The following EIF4EBP2 variants were observed in gnomAD, a reference collection of about 807,000 sequenced individuals.
EIF4EBP2 encodes the protein eukaryotic translation initiation factor 4E-binding protein 2.
In EIF4EBP2, 5 loss-of-function variants were observed where a neutral mutation model predicts 10.3. The observed-to-expected ratio is 0.48, with a 90% CI of 0.25 to 1.02. The LOEUF (loss-of-function observed/expected upper bound fraction) is 1.02, where lower values mean the gene tolerates loss of function less well. EIF4EBP2 is among the 50% of genes least tolerant of loss of function. The probability of loss-of-function intolerance (pLI) is 0.15; values close to 1 mark genes in which losing one functional copy is unlikely to be tolerated. For synonymous variants in EIF4EBP2, 67 were observed against 61.1 expected, an observed-to-expected ratio of 1.10 and a Z score of -0.45; for missense variants, 188 against 162.2, an observed-to-expected ratio of 1.16 and a Z score of -0.86.
At chr10:70,412,372 CAG>C (rs1845055015) in intron 1 of EIF4EBP2, among the ~76,000 whole-genome samples, 1 of 106,402 alleles carries the variant, frequency 9.4e-6, no homozygotes, top group Admixed American at 1.5e-4. Context: ...CTTAGTTAAA[CAG>C]AATTTTATGA....
In EIF4EBP2 at chr10:70,428,522, T is replaced by A. The variant is rs1845227897; in HGVS notation, c.*6775T>A. 1 of 152,232 alleles carries A rather than the reference T, an allele frequency of 6.6e-6. No individual in the cohort carries two copies. Among genetic ancestry groups the A allele is most frequent in the African/African-American group, 2.4e-5 (1 of 41,462 alleles). The allele number at this position is 152,232 out of a possible 1,614,324, so 9.4% of individuals were successfully genotyped here. On this transcript the variant is annotated 3_prime_UTR_variant, in exon 3 of 3. Coordinates refer to ENST00000373218, the MANE Select transcript of EIF4EBP2 (RefSeq NM_004096.5). ...TCAGTTGTTTTTGTATTTTAACTAT[T>A]CTTCCAAACCAGCAGATGTTTGGAA...
At position 70,426,040 on chromosome 10, in the gene EIF4EBP2, G is replaced by A. The variant is rs1845203122; in HGVS notation, c.*4293G>A. The A allele has an allele frequency of 6.6e-6, 1 of 152,188 alleles. No individual in the cohort carries two copies. The highest frequency in any genetic ancestry group is 1.5e-5 in the Non-Finnish European group (1 of 68,030). The allele number at this position is 152,188 out of a possible 1,614,324, so 9.4% of individuals were successfully genotyped here. On this transcript the variant is annotated 3_prime_UTR_variant, in exon 3 of 3. Coordinates refer to ENST00000373218, the MANE Select transcript of EIF4EBP2 (RefSeq NM_004096.5). ...ATGCTTGATTGCTCCTCTAAATCCA[G>A]TGCATAGGTTAACCCTGCATGCCCA...
intron 1 of EIF4EBP2, among the ~76,000 whole-genome samples, chr10:70,418,045 T>G (rs754936087): frequency 6.6e-6 from 1 of 152,204 alleles, no homozygotes; most frequent in Non-Finnish European, 1.5e-5. Flanking sequence ...AAAATTCTTA[T>G]GTTGAAACCT....
At chr10:70,420,746 T>C (rs1845147935) in intron 2 of EIF4EBP2, among the ~76,000 whole-genome samples, 1 of 152,158 alleles carries the variant, frequency 6.6e-6, no homozygotes, top group Non-Finnish European at 1.5e-5. Flanking sequence ...CAAAACAATT[T>C]CATAGCCCCC....
chr10:70,411,232 A>G (rs534875367), intron 1 of EIF4EBP2, among the ~76,000 whole-genome samples: 3 of 152,186 alleles, frequency 2.0e-5, no homozygotes, highest in Non-Finnish European at 4.4e-5. Flanking sequence ...CCCATTAAGC[A>G]GTACCACCGC....
rs1409283132 is a variant in EIF4EBP2, at chr10:70,410,546, C to T, written c.145+6000C>T. ...CTTTTCAGGAGTCTGTCTCTTCATC[C>T]AGAGTCTCCATGAAGAACAGATGTT... On this transcript the variant is annotated intron_variant, in intron 1 of 2. Coordinates refer to ENST00000373218, the MANE Select transcript of EIF4EBP2 (RefSeq NM_004096.5). Among the ~76,000 whole-genome samples the T allele has an allele frequency of 7.2e-5, 11 of 152,214 alleles. No individual in the cohort carries two copies. The East Asian group carries it at 2.1e-3, about 29-fold the overall frequency.
In EIF4EBP2 at chr10:70,421,701, A is replaced by G; in HGVS notation, c.332-15A>G. 5 of 1,612,174 alleles carry G rather than the reference A, an allele frequency of 3.1e-6. No individual in the cohort carries two copies. The highest frequency in any genetic ancestry group is 4.2e-6 in the Non-Finnish European group (5 of 1,178,372). On this transcript the variant is annotated splice_polypyrimidine_tract_variant and intron_variant, in intron 2 of 2. Coordinates refer to ENST00000373218, the MANE Select transcript of EIF4EBP2 (RefSeq NM_004096.5). ...GTGTACGTGCTAAACTCTTCATTTT[A>G]TTGGTCCTAACTAGGGGATGATGCT... is the stretch of plus-strand genomic sequence containing the variant.
rs1845227578 is a variant in EIF4EBP2, at chr10:70,428,493, A to G, written c.*6746A>G. 6.6e-6 allele frequency: 1 copy of G among 152,170 alleles called. No individual in the cohort carries two copies. Among genetic ancestry groups the G allele is most frequent in the Non-Finnish European group, 1.5e-5 (1 of 68,034 alleles). The allele number at this position is 152,170 out of a possible 1,614,324, so 9.4% of individuals were successfully genotyped here. Reference sequence around the variant, plus strand: ...CCTTGAGGCAGTCCTGTGTGATTCCATGATCAGTTGTTTTTGTATTTTAAC... The same window carrying G: ...CCTTGAGGCAGTCCTGTGTGATTCCGTGATCAGTTGTTTTTGTATTTTAAC... On this transcript the variant is annotated 3_prime_UTR_variant, in exon 3 of 3. Transcript: ENST00000373218.
In EIF4EBP2 at chr10:70,422,005, A is replaced by G; in HGVS notation, c.*258A>G. On this transcript the variant is annotated 3_prime_UTR_variant, in exon 3 of 3. Transcript: ENST00000373218. ...CCCTTGCTGTATTTCTGTAGAGCTA[A>G]GCAGCCCTTAGAGGAAAACAGTTCA... 1 of 463,608 alleles carries G rather than the reference A, an allele frequency of 2.2e-6. No homozygotes were observed. The highest frequency in any genetic ancestry group is 3.9e-6 in the Non-Finnish European group (1 of 258,598). 28.7% of individuals were successfully genotyped at this position (463,608 alleles called of 1,614,324 possible).
At position 70,405,549 on chromosome 10, in the gene EIF4EBP2, G is replaced by C. The variant is rs544788784; in HGVS notation, c.145+1003G>C. 2.6e-5 allele frequency among the ~76,000 whole-genome samples: 4 copies of C among 152,332 alleles called. No homozygotes were observed. In the South Asian group the frequency reaches 6.2e-4, roughly 24 times the overall value. The stretch of plus-strand genomic sequence containing the variant: ...GAACGGGGCCTCCTTTTTAACTTCA[G>C]AACTTTGTCTTCTTTTGGTGCTGGG... On this transcript the variant is annotated intron_variant, in intron 1 of 2. Transcript: ENST00000373218.
chr10:70,410,520 G>A (rs1845033317), intron 1 of EIF4EBP2, among the ~76,000 whole-genome samples: 1 of 152,204 alleles, frequency 6.6e-6, no homozygotes, highest in South Asian at 2.1e-4. Flanking sequence ...TTGCCATAGA[G>A]CTTTTCAGGA....
At chr10:70,420,207 T>C in intron 2 of EIF4EBP2, 108 bp downstream of exon 2, 1 of 1,196,278 alleles carries the variant, frequency 8.4e-7, no homozygotes, top group Non-Finnish European at 1.1e-6. Context: ...TTTTTGTTTT[T>C]TGTTTTTTTT....
At chr10:70,409,306 A>T (rs527535534) in intron 1 of EIF4EBP2, among the ~76,000 whole-genome samples, 2 of 151,020 alleles carry the variant, frequency 1.3e-5, no homozygotes, top group Non-Finnish European at 3.0e-5. Context: ...CTTGGATTTT[A>T]TTTTTTTTTC....
intron 2 of EIF4EBP2, among the ~76,000 whole-genome samples, chr10:70,420,318 G>A (rs1845141002): frequency 6.6e-6 from 1 of 152,166 alleles, no homozygotes; most frequent in Non-Finnish European, 1.5e-5. Context: ...TCCTGCCTCA[G>A]CCTCCCGAGT....
At position 70,404,620 on chromosome 10, in the gene EIF4EBP2, C is replaced by T. The variant is rs945249470; in HGVS notation, c.145+74C>T. The stretch of plus-strand genomic sequence containing the variant: ...TCTAACTCCTCGGCGCCTCGGTGCC[C>T]GGCCGCTTCGCCCCCGCCCCCAGCT... On this transcript the variant is annotated intron_variant, in intron 1 of 2. Coordinates refer to ENST00000373218, the MANE Select transcript of EIF4EBP2 (RefSeq NM_004096.5). The T allele has an allele frequency of 2.4e-5, 34 of 1,413,466 alleles. No homozygotes were observed. In the African/African-American group the frequency reaches 3.6e-4, roughly 15 times the overall value. 87.6% of individuals were successfully genotyped at this position (1,413,466 alleles called of 1,614,324 possible).
In EIF4EBP2 at chr10:70,420,398, G is replaced by C. The variant is rs201001309; in HGVS notation, c.331+299G>C. Among the ~76,000 whole-genome samples the C allele has an allele frequency of 1.7e-4, 26 of 151,724 alleles. No homozygotes were observed. The East Asian group carries it at 5.1e-3, about 30-fold the overall frequency. On this transcript the variant is annotated intron_variant, in intron 2 of 2. Transcript: ENST00000373218. ...TATTTTTTAGTAGAGACGGGGTTTC[G>C]CCATGTTGCTTAGGCTGTTCTTGAA...
rs544201626 is a variant in EIF4EBP2 at position 70,426,366 on chromosome 10, G to T, written c.*4619G>T. On this transcript the variant is annotated 3_prime_UTR_variant, in exon 3 of 3. Transcript: ENST00000373218. The stretch of plus-strand genomic sequence containing the variant: ...GCTCACTGCAGCCTCTGCTTCCCAG[G>T]TTCAAGTGTTTCTCCTGCCTCAGCC... 1.3e-5 allele frequency: 2 copies of T among 152,242 alleles called. No individual in the cohort carries two copies. The highest frequency in any genetic ancestry group is 1.5e-5 in the Non-Finnish European group (1 of 68,092). The allele number at this position is 152,242 out of a possible 1,614,324, so 9.4% of individuals were successfully genotyped here.
chr10:70,410,568 T>A (rs141093210), intron 1 of EIF4EBP2, among the ~76,000 whole-genome samples: 179 of 152,366 alleles, frequency 1.2e-3, no homozygotes, highest in African/African-American at 4.1e-3. Context: ...GAAGAACAGA[T>A]GTTTAAAACT....
At chr10:70,414,931 C>T (rs1845078062) in intron 1 of EIF4EBP2, among the ~76,000 whole-genome samples, 1 of 151,944 alleles carries the variant, frequency 6.6e-6, no homozygotes, top group Admixed American at 6.6e-5. Context: ...CTGAGGTGGG[C>T]AGATGGCTTG....
Sources: allele counts gnomAD v4.1 joint callset (sites outside exome capture counted in the v4.1 genomes callset), GRCh38; gene constraint gnomAD v4.1.1; transcripts MANE v1.5; gene names NCBI Gene and HGNC (gene_info 2026-07-23, HGNC 2026-07-21).